The following RAP1GAP2 variants were observed in gnomAD, a reference collection of about 807,000 sequenced individuals.
RAP1GAP2 encodes the protein RAP1 GTPase activating protein 2, also known as rap1 GTPase-activating protein 2.
Under a neutral mutation model 95.0 loss-of-function variants are expected in RAP1GAP2, and 27 were observed. That is an observed-to-expected ratio of 0.28 (90% confidence interval 0.21 to 0.39). RAP1GAP2 has a LOEUF of 0.39. Among genes scored for constraint, RAP1GAP2 ranks in the 10% least tolerant of loss-of-function variants. The pLI is 1.00. For missense variants in RAP1GAP2, 771 were observed against 970.0 expected (o/e 0.79, Z 2.72); for synonymous variants, 373 against 380.9 (o/e 0.98, Z 0.24).
chr17:3,018,206 C>CT lies in RAP1GAP2; in HGVS notation c.1632+9dup. 1.3e-6 allele frequency: 2 copies of CT among 1,556,880 alleles called. No homozygotes were observed. Among genetic ancestry groups the CT allele is most frequent in the Non-Finnish European group, 1.7e-6 (2 of 1,152,270 alleles). ...ACCAAGACCACCTTCTCGGTGAGTG[C>CT]TGGCAGGCCCCGGGGCGGCAAGTGG... is the stretch of plus-strand genomic sequence containing the variant. On this transcript the variant is annotated intron_variant, in intron 18 of 24. Transcript: ENST00000254695.
chr17:3,003,525 C>T lies in RAP1GAP2; in HGVS notation c.1201-1844C>T, dbSNP rs764056288. On this transcript the variant is annotated intron_variant, in intron 14 of 24. Transcript: ENST00000254695. This position sits in a 1 kb window ranked among gnomAD's most constrained non-coding sequence, Gnocchi z 4.1. ...TCGGACGATGCTCTGTGTGCCACCG[C>T]GGCTCCCAGGCCACTCTTGGGCGTG... 1.3e-5 allele frequency among the ~76,000 whole-genome samples: 2 copies of T among 152,086 alleles called. No individual in the cohort carries two copies. Among genetic ancestry groups the T allele is most frequent in the Non-Finnish European group, 2.9e-5 (2 of 68,028 alleles).
chr17:2,996,669 C>T (rs2045970196), intron 13 of RAP1GAP2, among the ~76,000 whole-genome samples: 1 of 152,240 alleles, frequency 6.6e-6, no homozygotes, highest in Admixed American at 6.5e-5. Context: ...GGCCTGAGGC[C>T]TGTTCTCTCT....
intron 2 of RAP1GAP2, among the ~76,000 whole-genome samples, chr17:2,891,458 T>C (rs1049676977): frequency 9.9e-5 from 15 of 152,008 alleles, no homozygotes; most frequent in African/African-American, 3.4e-4. Flanking sequence ...CTACTTTTAT[T>C]TTTTTCTACC....
At chr17:2,826,167 T>TTTC (rs1555548397) in intron 2 of RAP1GAP2, among the ~76,000 whole-genome samples, 4 of 148,898 alleles carry the variant, frequency 2.7e-5, no homozygotes, top group Non-Finnish European at 4.5e-5. Flanking sequence ...TTTTTTTTTT[T>TTTC]TGTATTTTTA....
chr17:2,882,994 C>T (rs1490341631), intron 2 of RAP1GAP2, among the ~76,000 whole-genome samples: 6 of 152,220 alleles, frequency 3.9e-5, no homozygotes, highest in Non-Finnish European at 8.8e-5. Context: ...AAGGCCCCTC[C>T]CCTGTGGGCC....
chr17:2,981,873 G>C (rs2045372264), intron 10 of RAP1GAP2, among the ~76,000 whole-genome samples: 3 of 152,200 alleles, frequency 2.0e-5, no homozygotes, highest in African/African-American at 7.2e-5. Flanking sequence ...AGTCACCCAT[G>C]GACAGTGAAT....
rs904071531 is a variant in RAP1GAP2 at position 2,906,405 on chromosome 17, G to C, written c.165+1037G>C. 1.3e-5 allele frequency among the ~76,000 whole-genome samples: 2 copies of C among 151,942 alleles called. No homozygotes were observed. The highest frequency in any genetic ancestry group is 2.9e-5 in the Non-Finnish European group (2 of 67,964). On this transcript the variant is annotated intron_variant, in intron 3 of 24. Transcript: ENST00000254695. The surrounding 1 kb of genome is among the most constrained non-coding windows in gnomAD (Gnocchi z 4.3). Reference sequence around the variant, plus strand: ...CATACAGAGCCATGTGGTATGCCTCGAGGAGCCTGTGTGTTGAGGGGTAGC... The same window carrying C: ...CATACAGAGCCATGTGGTATGCCTCCAGGAGCCTGTGTGTTGAGGGGTAGC...
intron 2 of RAP1GAP2, among the ~76,000 whole-genome samples, chr17:2,847,418 AC>A (rs11356593): frequency 0.077 from 11,668 of 152,236 alleles, 718 homozygotes; most frequent in East Asian, 0.22. Flanking sequence ...AAGTCTTGCT[AC>A]CCAAAGCCCT....
At chr17:2,764,202 C>T (rs1482580656) in intron 1 of RAP1GAP2, among the ~76,000 whole-genome samples, 5 of 152,086 alleles carry the variant, frequency 3.3e-5, no homozygotes, top group East Asian at 1.9e-4. Context: ...GAGGCTGAGG[C>T]GGGTGGATCA....
intron 2 of RAP1GAP2, among the ~76,000 whole-genome samples, chr17:2,876,127 C>T (rs986684703): frequency 9.9e-5 from 15 of 151,710 alleles, no homozygotes; most frequent in East Asian, 1.9e-4. Flanking sequence ...TTAGTAGAGA[C>T]GGGGTTTCAC....
chr17:2,851,736 C>A (rs1183225491), intron 2 of RAP1GAP2, among the ~76,000 whole-genome samples: 1 of 152,100 alleles, frequency 6.6e-6, no homozygotes, highest in Non-Finnish European at 1.5e-5. Context: ...CATCCCAATT[C>A]CCTGTTGTAG....
chr17:2,766,688 T>G (rs1242422732), intron 1 of RAP1GAP2, among the ~76,000 whole-genome samples: 1 of 152,016 alleles, frequency 6.6e-6, no homozygotes, highest in Non-Finnish European at 1.5e-5. Flanking sequence ...TCTGTGTCCC[T>G]GCCATGTGAG....
chr17:3,031,104 G>A (rs1176425524), intron 23 of RAP1GAP2, 106 bp downstream of exon 23: 45 of 1,258,730 alleles, frequency 3.6e-5, no homozygotes, highest in South Asian at 1.3e-4. Context: ...GGGGCTCCCC[G>A]AAGGAGGCAG....
chr17:2,844,639 T>C (rs1312177885), intron 2 of RAP1GAP2, among the ~76,000 whole-genome samples: 2 of 152,158 alleles, frequency 1.3e-5, no homozygotes, highest in Non-Finnish European at 2.9e-5. Context: ...GTGTTTACCT[T>C]TTAGGCTAAA....
At chr17:2,913,803 A>G (rs889287910) in intron 3 of RAP1GAP2, among the ~76,000 whole-genome samples, 2 of 152,226 alleles carry the variant, frequency 1.3e-5, no homozygotes, top group African/African-American at 4.8e-5. Context: ...CCAGTCAATC[A>G]TAACTGCCCC....
At chr17:2,776,356 G>T (rs1010776474), upstream of RAP1GAP2, among the ~76,000 whole-genome samples, 5 of 151,122 alleles carry the variant, frequency 3.3e-5, no homozygotes, top group African/African-American at 1.2e-4. Flanking sequence ...ACCGCACCTC[G>T]GTTCCCCATT....
intron 2 of RAP1GAP2, among the ~76,000 whole-genome samples, chr17:2,892,681 C>T (rs1414964726): frequency 6.6e-6 from 1 of 152,178 alleles, no homozygotes; most frequent in African/African-American, 2.4e-5. Flanking sequence ...TGCAGGCTTG[C>T]TTTCTCTGGA....
intron 2 of RAP1GAP2, among the ~76,000 whole-genome samples, chr17:2,813,725 G>A (rs747400774): frequency 6.6e-5 from 10 of 152,134 alleles, no homozygotes; most frequent in Admixed American, 1.3e-4. Context: ...GGGAGGCCCA[G>A]GCAGGTGGAT....
At chr17:2,967,363 T>C (rs539466089) in intron 8 of RAP1GAP2, among the ~76,000 whole-genome samples, 1 of 151,852 alleles carries the variant, frequency 6.6e-6, no homozygotes, top group East Asian at 1.9e-4. Flanking sequence ...AGAGTGAGAC[T>C]CTGTCTCAAC....
Sources: allele counts gnomAD v4.1 joint callset (sites outside exome capture counted in the v4.1 genomes callset), GRCh38; gene constraint gnomAD v4.1.1; non-coding constraint Gnocchi (gnomAD v3.1); transcripts MANE v1.5; gene names NCBI Gene and HGNC (gene_info 2026-07-23, HGNC 2026-07-21).